The following CMPK1 variants were observed in gnomAD, a reference collection of about 807,000 sequenced individuals.
CMPK1 encodes UMP-CMP kinase.
A neutral mutation model predicts 25.7 loss-of-function variants in CMPK1; 10 were observed. The observed-to-expected ratio is 0.39, with a 90% CI of 0.24 to 0.66. The LOEUF (loss-of-function observed/expected upper bound fraction) is 0.66. CMPK1 is among the 30% of genes least tolerant of loss of function. The pLI, the probability that CMPK1 is intolerant of heterozygous loss-of-function variation, is 0.48. For synonymous variants in CMPK1, 106 were observed against 101.5 expected, an observed-to-expected ratio of 1.04 and a Z score of -0.27; for missense variants, 199 against 280.5, an observed-to-expected ratio of 0.71 and a Z score of 2.08.
chr1:47,335,346 A>G (rs1009088505), intron 1 of CMPK1, among the ~76,000 whole-genome samples: 1 of 152,182 alleles, frequency 6.6e-6, no homozygotes, highest in Non-Finnish European at 1.5e-5. Context: ...ATTTATAAAT[A>G]TTGATCATTT....
intron 1 of CMPK1, among the ~76,000 whole-genome samples, chr1:47,350,114 A>G (rs956694107): frequency 1.3e-5 from 2 of 151,798 alleles, no homozygotes; most frequent in Admixed American, 1.3e-4. Flanking sequence ...CCTTATTATT[A>G]TTTATATAGA....
intron 3 of CMPK1, 24 bp downstream of exon 3, chr1:47,373,131 A>G (rs1178963355): frequency 1.3e-6 from 2 of 1,578,674 alleles, no homozygotes; most frequent in Non-Finnish European, 1.7e-6. Flanking sequence ...TCATCTGCCC[A>G]CATAGGCTTT....
At chr1:47,374,839 G>A (rs1646697107) in intron 3 of CMPK1, 70 bp from the exon 4 acceptor site, 2 of 1,190,074 alleles carry the variant, frequency 1.7e-6, no homozygotes, top group East Asian at 2.5e-5. Flanking sequence ...TTAAACTCTT[G>A]TTTTCTTTGC....
chr1:47,349,004 G>A (rs1646503687), intron 1 of CMPK1, among the ~76,000 whole-genome samples: 1 of 152,156 alleles, frequency 6.6e-6, no homozygotes, highest in African/African-American at 2.4e-5. Flanking sequence ...GAAGTGAAAA[G>A]TGGAAATGGT....
Position 47,333,907 on chromosome 1 carries a change from C to A in CMPK1, c.-39C>A, listed in dbSNP as rs564357217. On this transcript the variant is annotated 5_prime_UTR_variant, in exon 1 of 6. Transcript: ENST00000371873. ...CCGCCCCGCCCCGCGCCGCGCCGGC[C>A]GCTGTCAGCTCCCTCAGCGTCCGGC... The A allele has an allele frequency of 6.5e-6, 8 of 1,239,980 alleles. No homozygotes were observed. The African/African-American group carries it at 7.9e-5, about 12-fold the overall frequency. The allele number at this position is 1,239,980 out of a possible 1,614,324, so 76.8% of individuals were successfully genotyped here.
At chr1:47,362,326 C>T (rs1353048660) in intron 1 of CMPK1, among the ~76,000 whole-genome samples, 1 of 150,874 alleles carries the variant, frequency 6.6e-6, no homozygotes, top group Non-Finnish European at 1.5e-5. Context: ...CACACCACCA[C>T]GCCCGGCTAA....
intron 1 of CMPK1, among the ~76,000 whole-genome samples, chr1:47,365,633 C>CAAAAAAA (rs10623948): frequency 0.035 from 3,749 of 108,196 alleles, 323 homozygotes; most frequent in African/African-American, 0.13. Flanking sequence ...GACCCTGTCT[C>CAAAAAAA]AAAAAAAAAA....
At chr1:47,374,798 G>A in intron 3 of CMPK1, 111 bp from the exon 4 acceptor site, 1 of 668,836 alleles carries the variant, frequency 1.5e-6, no homozygotes, top group Non-Finnish European at 2.5e-6. Flanking sequence ...AGACACATTG[G>A]GTTTATTGCA....
intron 1 of CMPK1, among the ~76,000 whole-genome samples, chr1:47,362,221 C>T (rs1248080653): frequency 4.4e-5 from 6 of 136,422 alleles, no homozygotes; most frequent in African/African-American, 1.4e-4. Context: ...CTAGGCTGGA[C>T]GGCAGTGGCA....
chr1:47,363,238 T>C (rs1646615491), intron 1 of CMPK1, among the ~76,000 whole-genome samples: 1 of 152,202 alleles, frequency 6.6e-6, no homozygotes, highest in African/African-American at 2.4e-5. Flanking sequence ...AGGAGTGTAC[T>C]GAATGTGTAT....
intron 1 of CMPK1, among the ~76,000 whole-genome samples, chr1:47,363,857 C>T (rs536369242): frequency 2.5e-4 from 38 of 152,142 alleles, no homozygotes; most frequent in Non-Finnish European, 4.7e-4. Context: ...GCAGGAGAAT[C>T]GCTTGAACCT....
chr1:47,337,312 A>G (rs1570346935), intron 1 of CMPK1, among the ~76,000 whole-genome samples: 2 of 151,910 alleles, frequency 1.3e-5, no homozygotes, highest in South Asian at 4.2e-4. Flanking sequence ...ATAAATAAAT[A>G]CATAAATGAA....
chr1:47,349,615 A>G (rs1442354613), intron 1 of CMPK1, among the ~76,000 whole-genome samples: 2 of 152,174 alleles, frequency 1.3e-5, no homozygotes, highest in Non-Finnish European at 2.9e-5. Context: ...TTCATCTAGA[A>G]CTTCACAGTG....
At chr1:47,367,999 G>A (rs12039270) in intron 1 of CMPK1, among the ~76,000 whole-genome samples, 13,344 of 151,766 alleles carry the variant, frequency 0.088, 984 homozygotes, top group East Asian at 0.24. Context: ...GCCCAGGCTG[G>A]AGTGCGGTGG....
chr1:47,363,830 C>T (rs1646620119), intron 1 of CMPK1, among the ~76,000 whole-genome samples: 2 of 151,964 alleles, frequency 1.3e-5, no homozygotes, highest in Admixed American at 1.3e-4. Context: ...ATAGTCCCAG[C>T]TCCTCGGGAC....
chr1:47,346,502 CTCTT>C (rs1393879339), intron 1 of CMPK1, among the ~76,000 whole-genome samples: 1 of 151,762 alleles, frequency 6.6e-6, no homozygotes, highest in East Asian at 1.9e-4. Context: ...CTTTCTCTCT[CTCTT>C]TTTTTTTTCT....
chr1:47,358,245 C>T (rs1646577018), intron 1 of CMPK1: 1 of 462,088 alleles, frequency 2.2e-6, no homozygotes, highest in East Asian at 7.0e-5. Context: ...TCCGAGTAGC[C>T]AGGACTACAG....
intron 3 of CMPK1, among the ~76,000 whole-genome samples, chr1:47,374,379 ACT>A (rs1400057361): frequency 5.3e-5 from 8 of 152,012 alleles, no homozygotes; most frequent in Non-Finnish European, 1.2e-4. Context: ...TTAAAACGTA[ACT>A]CTCTTCTTCC....
intron 1 of CMPK1, among the ~76,000 whole-genome samples, chr1:47,343,870 G>C (rs948010911): frequency 4.8e-4 from 73 of 151,262 alleles, no homozygotes; most frequent in African/African-American, 1.7e-3. Flanking sequence ...CTGGATGACA[G>C]AGAGAGACTC....
Sources: gnomAD v4.1 joint callset for allele counts (sites outside exome capture counted in the v4.1 genomes callset) on GRCh38, gnomAD v4.1.1 for gene constraint, MANE v1.5 for transcripts, NCBI Gene and HGNC (gene_info 2026-07-23, HGNC 2026-07-21) for gene names.